The following C19orf38 variants were observed in gnomAD, a reference collection of about 807,000 sequenced individuals.
C19orf38 encodes the protein protein HIDE1.
In C19orf38, 14 loss-of-function variants were observed where a neutral mutation model predicts 26.6. That is an observed-to-expected ratio of 0.53 (90% confidence interval 0.35 to 0.82). C19orf38 has a LOEUF of 0.82. Ranked by LOEUF, C19orf38 falls within the 40% of genes least tolerant of loss-of-function variation. The pLI is 0.01. For missense variants in C19orf38, 261 were observed against 299.5 expected, an observed-to-expected ratio of 0.87 and a Z score of 0.95; for synonymous variants, 132 against 128.5, an observed-to-expected ratio of 1.03 and a Z score of -0.18.
At chr19:10,865,493 G>A (rs937813684) in intron 6 of C19orf38, among the ~76,000 whole-genome samples, 3 of 151,666 alleles carry the variant, frequency 2.0e-5, no homozygotes, top group African/African-American at 4.8e-5. Flanking sequence ...AGGACCAGGC[G>A]TGGTGGCTCA....
chr19:10,843,078 G>A (rs916376183), intron 1 of C19orf38, among the ~76,000 whole-genome samples: 2 of 152,150 alleles, frequency 1.3e-5, no homozygotes, highest in Non-Finnish European at 2.9e-5. Flanking sequence ...CTGGATCCGG[G>A]GCTTTTTATG....
intron 2 of C19orf38, among the ~76,000 whole-genome samples, chr19:10,851,788 G>A (rs980563098): frequency 1.3e-5 from 2 of 151,868 alleles, no homozygotes; most frequent in Non-Finnish European, 2.9e-5. Flanking sequence ...CTAACAAGGT[G>A]AAACCCCGTC....
At chr19:10,861,349 G>A (rs1377550355) in intron 5 of C19orf38, among the ~76,000 whole-genome samples, 2 of 152,328 alleles carry the variant, frequency 1.3e-5, no homozygotes, top group East Asian at 1.9e-4. Context: ...TGTCATGCAG[G>A]ATATTCTCTT....
Position 10,841,558 on chromosome 19 carries a change from C to T in C19orf38, c.-69+4788C>T, listed in dbSNP as rs1270508614. On this transcript the variant is annotated intron_variant, in intron 1 of 7. Coordinates refer to the C19orf38 transcript ENST00000592854. ...CTGTAATCCCAGCACTTTGGGAGGC[C>T]GAGGTGGGTAGATCACAAGGTCAGG... Among the ~76,000 whole-genome samples, 10 of 152,212 alleles carry T rather than the reference C, an allele frequency of 6.6e-5. No individual in the cohort carries two copies. The East Asian group carries it at 1.2e-3, about 18-fold the overall frequency.
Position 10,869,270 on chromosome 19 carries a change from C to T in C19orf38, c.596C>T (p.Thr199Ile), listed in dbSNP as rs2073780138. 3 of 1,551,716 alleles carry T rather than the reference C, an allele frequency of 1.9e-6. No homozygotes were observed. Among genetic ancestry groups the T allele is most frequent in the Non-Finnish European group, 2.6e-6 (3 of 1,146,982 alleles). ...PATLDDHSGT[T>I]ATPSNSRTRK... Reference sequence around the variant, plus strand: ...ACCTTGGATGATCACTCAGGCACCACTGCCACCCCCAGCAACTCCAGGACC... The same window carrying T: ...ACCTTGGATGATCACTCAGGCACCATTGCCACCCCCAGCAACTCCAGGACC... The change falls in exon 7 of 7, where the codon ACT (threonine) becomes ATT (isoleucine). Residue 199 changes from threonine to isoleucine, a missense_variant. By Grantham distance (89) the Thr-to-Ile change is moderately conservative. Coordinates refer to ENST00000397820, the MANE Select transcript of C19orf38 (RefSeq NM_001136482.3).
At chr19:10,850,029 A>C (rs1454048678) in intron 1 of C19orf38, among the ~76,000 whole-genome samples, 3 of 152,136 alleles carry the variant, frequency 2.0e-5, no homozygotes, top group Admixed American at 2.0e-4. Context: ...ACTACATTCC[A>C]TCCTGGGTGG....
intron 5 of C19orf38, among the ~76,000 whole-genome samples, chr19:10,860,797 C>T (rs1238073223): frequency 3.4e-5 from 5 of 145,166 alleles, no homozygotes; most frequent in Admixed American, 7.1e-5. Flanking sequence ...GCCCAGATCG[C>T]GCCACTGTAC....
upstream of C19orf38, among the ~76,000 whole-genome samples, chr19:10,847,555 T>C (rs2073528491): frequency 6.6e-6 from 1 of 151,784 alleles, no homozygotes; most frequent in African/African-American, 2.4e-5. Flanking sequence ...TTGTATATAG[T>C]AGAGACGGGG....
intron 2 of C19orf38, among the ~76,000 whole-genome samples, chr19:10,855,463 A>G (rs921716230): frequency 1.3e-5 from 2 of 151,742 alleles, no homozygotes; most frequent in African/African-American, 4.8e-5. Context: ...TCAGCCTCTG[A>G]AGTAGCTGGA....
At chr19:10,844,613 T>G (rs1172128986), upstream of C19orf38, among the ~76,000 whole-genome samples, 1 of 149,792 alleles carries the variant, frequency 6.7e-6, no homozygotes, top group Non-Finnish European at 1.5e-5. Context: ...TTTGGGAGGC[T>G]GAGGCGGGCA....
At chr19:10,851,505 T>A (rs1165186060) in intron 2 of C19orf38, among the ~76,000 whole-genome samples, 1 of 152,092 alleles carries the variant, frequency 6.6e-6, no homozygotes. Context: ...CATGCCCAGC[T>A]AATTTAAAAA....
chr19:10,862,459 C>G (rs913982917), intron 5 of C19orf38, among the ~76,000 whole-genome samples: 1 of 152,060 alleles, frequency 6.6e-6, no homozygotes, highest in Non-Finnish European at 1.5e-5. Context: ...CCCTCCTTGG[C>G]CTTCCAAAGC....
intron 6 of C19orf38, among the ~76,000 whole-genome samples, chr19:10,864,355 TAGAC>T (rs2073731558): frequency 6.6e-6 from 1 of 151,986 alleles, no homozygotes; most frequent in Non-Finnish European, 1.5e-5. Flanking sequence ...GAAGCTGCTT[TAGAC>T]AGGAGATCAG....
chr19:10,837,044 A>G (rs1157036199), intron 1 of C19orf38, among the ~76,000 whole-genome samples: 2 of 152,134 alleles, frequency 1.3e-5, no homozygotes, highest in Admixed American at 6.5e-5. Context: ...TGCCCCACCC[A>G]TTACTTGAGG....
chr19:10,863,216 T>C lies in C19orf38; in HGVS notation c.543+9T>C. ...TGTTTACCGTCTCCGCGGTGAGTGG[T>C]TCTTTTTCTTGGAACCGGTTTTCTG... On this transcript the variant is annotated intron_variant, in intron 6 of 6. Transcript: ENST00000397820. The C allele has an allele frequency of 6.4e-7, 1 of 1,550,996 alleles. No individual in the cohort carries two copies. Among genetic ancestry groups the C allele is most frequent in the Non-Finnish European group, 8.7e-7 (1 of 1,146,486 alleles).
intron 1 of C19orf38, among the ~76,000 whole-genome samples, chr19:10,837,798 C>T (rs758569900): frequency 7.9e-5 from 12 of 151,532 alleles, no homozygotes; most frequent in Non-Finnish European, 1.2e-4. Context: ...TGAGCCACTG[C>T]ACCCGGCCGG....
chr19:10,861,620 C>A lies in C19orf38; in HGVS notation c.506-1550C>A, dbSNP rs551174020. Among the ~76,000 whole-genome samples the A allele has an allele frequency of 3.9e-5, 6 of 152,210 alleles. No individual in the cohort carries two copies. The East Asian group carries it at 7.7e-4, about 20-fold the overall frequency. On this transcript the variant is annotated intron_variant, in intron 5 of 6. Coordinates refer to ENST00000397820, the MANE Select transcript of C19orf38 (RefSeq NM_001136482.3). Reference sequence around the variant, plus strand: ...TGAGATGGAGTCTCATTGTGTCGCCCAGGTTGGAGTGCAGTGGCACGATCT... The same window carrying A: ...TGAGATGGAGTCTCATTGTGTCGCCAAGGTTGGAGTGCAGTGGCACGATCT...
chr19:10,848,584 C>G (rs1381103763), intron 1 of C19orf38, 45 bp downstream of exon 1: 2 of 1,370,902 alleles, frequency 1.5e-6, no homozygotes, highest in South Asian at 1.2e-5. Context: ...CCTTTCCCCC[C>G]ATCCTCTGTC....
At chr19:10,852,642 G>A (rs745623716) in intron 2 of C19orf38, among the ~76,000 whole-genome samples, 65 of 152,202 alleles carry the variant, frequency 4.3e-4, no homozygotes, top group Non-Finnish European at 6.3e-4. Flanking sequence ...CAAAGGCCCC[G>A]AGGCTGAAGC....
Sources: allele counts gnomAD v4.1 joint callset (sites outside exome capture counted in the v4.1 genomes callset), GRCh38; gene constraint gnomAD v4.1.1; transcripts MANE v1.5; gene names NCBI Gene and HGNC (gene_info 2026-07-23, HGNC 2026-07-21).